Variants in GPHN observed in about 807,000 individuals in gnomAD.
GPHN encodes gephyrin.
A neutral mutation model predicts 95.5 loss-of-function variants in GPHN; 17 were observed. The observed-to-expected ratio is 0.18, with a 90% CI of 0.12 to 0.27. GPHN has a LOEUF of 0.27. Among genes scored for constraint, GPHN ranks in the 10% least tolerant of loss-of-function variants. The probability of loss-of-function intolerance (pLI) is 1.00; values close to 1 mark genes in which losing one functional copy is unlikely to be tolerated. For synonymous variants in GPHN, 320 were observed against 322.5 expected (o/e 0.99, Z 0.08); for missense variants, 660 against 978.1 (o/e 0.67, Z 4.34).
intron 21 of GPHN, among the ~76,000 whole-genome samples, chr14:67,170,260 A>C (rs150117334): frequency 6.6e-6 from 1 of 152,290 alleles, no homozygotes; most frequent in Non-Finnish European, 1.5e-5. Flanking sequence ...ATTTAACTAG[A>C]GTTTTTTTCA....
At chr14:67,722,589 G>A in the GPHN span, 1 of 1,472,656 alleles carries the variant, frequency 6.8e-7, no homozygotes, top group East Asian at 2.3e-5. Context: ...AGCCAGAGCT[G>A]GGGTTGAAGC....
chr14:67,552,926 T>C, the GPHN span, among the ~76,000 whole-genome samples: 3 of 152,130 alleles, frequency 2.0e-5, no homozygotes, highest in Non-Finnish European at 4.4e-5. Context: ...AGTAATAGCA[T>C]GTGCATGGGA....
chr14:66,916,866 AAC>A (rs1337620636), intron 6 of GPHN, among the ~76,000 whole-genome samples: 1 of 152,162 alleles, frequency 6.6e-6, no homozygotes, highest in African/African-American at 2.4e-5. Context: ...ATTGTATAGC[AAC>A]ACAGTCATGT....
chr14:67,581,186 C>T, the GPHN span: 154 of 617,806 alleles, frequency 2.5e-4, no homozygotes, highest in Middle Eastern at 4.4e-4. Flanking sequence ...GGGGTGCAGG[C>T]GGGCTCTGCT....
intron 4 of GPHN, among the ~76,000 whole-genome samples, chr14:66,829,313 G>A (rs2061497945): frequency 6.6e-6 from 1 of 151,828 alleles, no homozygotes; most frequent in South Asian, 2.1e-4. Flanking sequence ...GTCTCAAACT[G>A]CTGACCTCAA....
rs983472106 is a variant in GPHN at position 67,102,609 on chromosome 14, G to A, written c.1293+1698G>A. 4.0e-5 allele frequency among the ~76,000 whole-genome samples: 6 copies of A among 151,842 alleles called. No individual in the cohort carries two copies. In the South Asian group the frequency reaches 8.3e-4, roughly 21 times the overall value. On this transcript the variant is annotated intron_variant, in intron 13 of 22. Transcript: ENST00000478722. ...TGGGAGGCAGAGGTTGCAGTGAGCC[G>A]AAATCTCACCACTGCACTCCAGCCT...
intron 1 of GPHN, among the ~76,000 whole-genome samples, chr14:66,529,992 C>T (rs536906755): frequency 1.2e-4 from 19 of 152,288 alleles, no homozygotes; most frequent in Non-Finnish European, 2.9e-5. Flanking sequence ...GGGATCTGCT[C>T]CTGTCTTCAG....
the GPHN span, among the ~76,000 whole-genome samples, chr14:67,328,656 A>G: frequency 2.0e-5 from 3 of 152,176 alleles, no homozygotes; most frequent in Admixed American, 6.6e-5. Flanking sequence ...ACTTTTGTAT[A>G]AGGTGTAAGG....
chr14:66,783,073 T>TGTCTAGCCAACA (rs1197306719), intron 3 of GPHN, among the ~76,000 whole-genome samples: 1 of 152,118 alleles, frequency 6.6e-6, no homozygotes. Flanking sequence ...AAAGCCTGTT[T>TGTCTAGCCAACA]GTCTAGCCAA....
intron 14 of GPHN, 119 bp from the exon 15 acceptor site, chr14:67,111,742 T>C: frequency 3.8e-6 from 3 of 786,972 alleles, no homozygotes; most frequent in Non-Finnish European, 6.7e-6. Context: ...AGCAAATAGT[T>C]TTCTTTTTGT....
intron 1 of GPHN, 63 bp from the exon 2 acceptor site, chr14:66,681,044 C>A (rs1221543141): frequency 9.7e-6 from 9 of 931,124 alleles, no homozygotes; most frequent in Non-Finnish European, 1.4e-5. Context: ...TTTTGGTCAG[C>A]AATAGCTTAA....
intron 13 of GPHN, among the ~76,000 whole-genome samples, chr14:67,105,258 T>C (rs1300156978): frequency 6.6e-6 from 1 of 152,066 alleles, no homozygotes. Context: ...CCTAATATGG[T>C]CTATCTGGAG....
chr14:66,999,392 C>T (rs1483458198), intron 9 of GPHN, among the ~76,000 whole-genome samples: 4 of 151,776 alleles, frequency 2.6e-5, no homozygotes, highest in Admixed American at 2.6e-4. Context: ...AGACACAAAA[C>T]TTTAATTCAA....
rs1177817698 is a variant in GPHN at position 67,002,309 on chromosome 14, C to CTTT, written c.964-21302_964-21300dup. Among the ~76,000 whole-genome samples the CTTT allele has an allele frequency of 3.2e-3, 187 of 58,748 alleles. 2 individuals are homozygous for CTTT. The highest frequency in any genetic ancestry group is 4.0e-3 in the South Asian group (5 of 1,254). 38.5% of individuals were successfully genotyped at this position (58,748 alleles called of 152,430 possible). On this transcript the variant is annotated intron_variant, in intron 9 of 22. Coordinates refer to ENST00000478722, the MANE Select transcript of GPHN (RefSeq NM_020806.5). ...TCATGTTTGGAAATTCTTTGTGTTG[C>CTTT]TTTTTTTTTTTTTTTTTTTTTTTTG...
At chr14:66,760,068 T>C (rs1251006260) in intron 2 of GPHN, among the ~76,000 whole-genome samples, 1 of 152,216 alleles carries the variant, frequency 6.6e-6, no homozygotes, top group Non-Finnish European at 1.5e-5. Flanking sequence ...CTCTTTATAA[T>C]GTTTTCTTTA....
chr14:67,679,822 T>C, the GPHN span, among the ~76,000 whole-genome samples: 4 of 152,156 alleles, frequency 2.6e-5, no homozygotes, highest in African/African-American at 9.7e-5. Flanking sequence ...TCAGTCAAAG[T>C]TTTAAAAAAA....
the GPHN span, chr14:67,279,203 A>G: frequency 2.5e-6 from 4 of 1,609,312 alleles, no homozygotes; most frequent in African/African-American, 5.4e-5. Flanking sequence ...GGCATGTTAC[A>G]GAGGAATCAG....
chr14:67,620,816 C>G, the GPHN span: 1 of 1,451,266 alleles, frequency 6.9e-7, no homozygotes, highest in East Asian at 2.3e-5. Flanking sequence ...GAGGAACCTG[C>G]TGGGAACTAA....
At chr14:67,157,129 A>T (rs940661480) in intron 18 of GPHN, among the ~76,000 whole-genome samples, 19 of 145,610 alleles carry the variant, frequency 1.3e-4, no homozygotes, top group African/African-American at 4.4e-4. Flanking sequence ...AAAGTAAAAG[A>T]TTTGAAAAAG....
Sources: allele counts gnomAD v4.1 joint callset (sites outside exome capture counted in the v4.1 genomes callset), GRCh38; gene constraint gnomAD v4.1.1; transcripts MANE v1.5; gene names NCBI Gene and HGNC (gene_info 2026-07-23, HGNC 2026-07-21).